NCAPG2: variants seen among roughly 807,000 people sequenced by gnomAD.
NCAPG2 encodes the protein condensin-2 complex subunit G2.
NCAPG2 carries 53 observed loss-of-function variants against 141.1 expected under a neutral mutation model. That is an observed-to-expected ratio of 0.38 (90% confidence interval 0.30 to 0.47). The LOEUF is 0.47. Among genes scored for constraint, NCAPG2 ranks in the 20% least tolerant of loss-of-function variants. The probability of loss-of-function intolerance (pLI) is 0.99; values close to 1 mark genes in which losing one functional copy is unlikely to be tolerated. For missense variants in NCAPG2, 1,087 were observed against 1,389.0 expected (o/e 0.78, Z 3.46); for synonymous variants, 499 against 490.7 (o/e 1.02, Z -0.22).
intron 27 of NCAPG2, among the ~76,000 whole-genome samples, chr7:158,632,189 C>T (rs1051925591): frequency 3.3e-5 from 5 of 152,178 alleles, no homozygotes; most frequent in African/African-American, 1.2e-4. Context: ...ACTCCCCTGC[C>T]CTACATCCCT....
chr7:158,654,842 T>C, intron 21 of NCAPG2, 148 bp from the exon 22 acceptor site: 1 of 1,369,448 alleles, frequency 7.3e-7, no homozygotes, highest in Non-Finnish European at 9.5e-7. Flanking sequence ...TTCATAAAGA[T>C]ACATTAATTC....
chr7:158,701,775 C>T, intron 2 of NCAPG2, 47 bp downstream of exon 2: 1 of 1,489,800 alleles, frequency 6.7e-7, no homozygotes, highest in Non-Finnish European at 9.4e-7. Context: ...GAACATATTT[C>T]ATATTCACAG....
rs62478347 is a variant in NCAPG2 at position 158,682,394 on chromosome 7, T to C, written c.924+906A>G. 3.3e-3 allele frequency among the ~76,000 whole-genome samples: 502 copies of C among 152,288 alleles called. 1 individual carries two copies. Among genetic ancestry groups the C allele is most frequent in the Middle Eastern group, 6.8e-3 (2 of 294 alleles). On this transcript the variant is annotated intron_variant, in intron 9 of 27. Transcript: ENST00000356309. ...TCATTGAATATATTTATCCTAAATA[T>C]ATGCAATCACGATTTTTAAATCCTC...
rs916920045 is a variant in NCAPG2 at position 158,651,984 on chromosome 7, C to T, written c.2934+309G>A. 5.3e-5 allele frequency among the ~76,000 whole-genome samples: 8 copies of T among 152,314 alleles called. No homozygotes were observed. The South Asian group carries it at 8.3e-4, about 16-fold the overall frequency. ...ATCAGTCCTCTGCTTCCTGTCCTGCCGTCTGGTCAACCTGAACTCTTGGGA... is the reference window on the plus strand; with the variant it reads ...ATCAGTCCTCTGCTTCCTGTCCTGCTGTCTGGTCAACCTGAACTCTTGGGA... On this transcript the variant is annotated intron_variant, in intron 23 of 27. Transcript: ENST00000356309.
chr7:158,690,513 C>G (rs1835048781), intron 5 of NCAPG2, 55 bp downstream of exon 5: 2 of 1,544,694 alleles, frequency 1.3e-6, no homozygotes, highest in Non-Finnish European at 1.8e-6. Context: ...CCACTGCACT[C>G]CATCTGGGCA....
intron 27 of NCAPG2, 45 bp from the exon 28 acceptor site, chr7:158,631,762 C>G: frequency 7.2e-7 from 1 of 1,396,888 alleles, no homozygotes. Context: ...AAAAAGTGAC[C>G]AAATTATCCA....
chr7:158,692,818 C>T lies in NCAPG2; in HGVS notation c.382+24G>A, dbSNP rs773373607. 7.8e-6 allele frequency: 10 copies of T among 1,288,140 alleles called. No individual in the cohort carries two copies. In the South Asian group the frequency reaches 1.0e-4, roughly 13 times the overall value. The allele number at this position is 1,288,140 out of a possible 1,614,324, so 79.8% of individuals were successfully genotyped here. ...ATTTCAACACCCACTTCTAAATATG[C>T]CATTTATAACAAAATCAACTCACCA... is the stretch of plus-strand genomic sequence containing the variant. On this transcript the variant is annotated intron_variant, in intron 4 of 27. Transcript: ENST00000356309.
chr7:158,647,697 C>CT lies in NCAPG2; in HGVS notation c.3076-1135dup, dbSNP rs200623735. Among the ~76,000 whole-genome samples the CT allele has an allele frequency of 5.8e-3, 842 of 145,270 alleles. 44 individuals carry two copies. In the East Asian group the frequency reaches 0.12, roughly 21 times the overall value. The stretch of plus-strand genomic sequence containing the variant: ...ATTTAGGCATGACTAAACAACACTG[C>CT]TTTTTTTTTTTTAAGAGACATAGTC... On this transcript the variant is annotated intron_variant, in intron 24 of 27. Coordinates refer to ENST00000356309, the MANE Select transcript of NCAPG2 (RefSeq NM_017760.7).
intron 27 of NCAPG2, among the ~76,000 whole-genome samples, chr7:158,637,057 C>T (rs1426477348): frequency 3.9e-5 from 6 of 151,926 alleles, no homozygotes; most frequent in Non-Finnish European, 7.4e-5. Flanking sequence ...ATGCCATTCT[C>T]CTGCCTCAGC....
At chr7:158,696,779 G>T (rs116625397) in intron 2 of NCAPG2, 1 of 152,198 alleles carries the variant, frequency 6.6e-6, no homozygotes, top group East Asian at 1.9e-4. Context: ...CCTGCCTCAG[G>T]GGCTCGGCCT....
At chr7:158,660,439 AG>A (rs1832407574) in intron 16 of NCAPG2, among the ~76,000 whole-genome samples, 2 of 112,694 alleles carry the variant, frequency 1.8e-5, no homozygotes, top group African/African-American at 7.4e-5. Flanking sequence ...TAAAAGAGGC[AG>A]GGTCTCACTC....
rs1832564064 is a variant in NCAPG2, at chr7:158,662,201, A to G, written c.1982T>C (p.Val661Ala). ...GTATAGTTCAAGACTTACCTTAAAT[A>G]CTTTCAGATACTCTGGAAGCACAGA... ...FASVLPEYLK[V>A]FKDDRCKIPL... is the part of the protein sequence containing the mutation. Residue 661 changes from valine to alanine, a missense_variant, in exon 16 of 28, where the codon GTA (valine) becomes GCA (alanine). Coordinates refer to ENST00000356309, the MANE Select transcript of NCAPG2 (RefSeq NM_017760.7). 5.6e-6 allele frequency: 9 copies of G among 1,603,970 alleles called. No individual in the cohort carries two copies. Among genetic ancestry groups the G allele is most frequent in the Non-Finnish European group, 7.6e-6 (9 of 1,177,120 alleles).
chr7:158,662,352 G>A lies in NCAPG2; in HGVS notation c.1831C>T (p.Leu611=). 6.3e-7 allele frequency: 1 copy of A among 1,584,342 alleles called. No individual in the cohort carries two copies. Among genetic ancestry groups the A allele is most frequent in the Middle Eastern group, 1.7e-4 (1 of 6,008 alleles). The change falls in exon 16 of 28, where the codon CTG becomes TTG. Residue 611 remains leucine (L), a synonymous_variant. Coordinates refer to ENST00000356309, the MANE Select transcript of NCAPG2 (RefSeq NM_017760.7). ...ATGCATGCAACATCGTTTACTGACAGTGTTTTGTCCAGAACCTAAGATAAA... is the reference window on the plus strand; with the variant it reads ...ATGCATGCAACATCGTTTACTGACAATGTTTTGTCCAGAACCTAAGATAAA... The part of the protein sequence containing the change: ...KENVTVLDKT[L]SVNDVACMAG...
intron 27 of NCAPG2, among the ~76,000 whole-genome samples, chr7:158,637,794 G>A (rs575443433): frequency 6.6e-6 from 1 of 152,264 alleles, no homozygotes; most frequent in Admixed American, 6.5e-5. Flanking sequence ...GTATTCTCTA[G>A]AGTTCTCTTT....
chr7:158,687,376 T>C lies in NCAPG2; in HGVS notation c.739A>G (p.Ile247Val), dbSNP rs192183487. ...INFIKMIHGT[I>V]KNQLQGLQKS... ...TGTAATCCCTGTAACTGGTTTTTAA[T>C]GGTCCCGTGGATCATTTTGATGAAG... Residue 247 changes from isoleucine (I) to valine (V), a missense_variant, in exon 7 of 28, where the codon ATT becomes GTT. Transcript: ENST00000356309. 6 of 1,611,014 alleles carry C rather than the reference T, an allele frequency of 3.7e-6. No homozygotes were observed. Among genetic ancestry groups the C allele is most frequent in the African/African-American group, 1.3e-5 (1 of 74,924 alleles).
intron 9 of NCAPG2, among the ~76,000 whole-genome samples, 183 bp downstream of exon 9, chr7:158,683,117 T>A: frequency 6.6e-6 from 1 of 152,194 alleles, no homozygotes; most frequent in Non-Finnish European, 1.5e-5. Context: ...ACAATACACC[T>A]TTGCTTTCCT....
At chr7:158,701,164 C>T (rs1236839457) in intron 2 of NCAPG2, among the ~76,000 whole-genome samples, 1 of 152,176 alleles carries the variant, frequency 6.6e-6, no homozygotes, top group African/African-American at 2.4e-5. Flanking sequence ...CCACCATATC[C>T]ATATCCAATC....
In NCAPG2 at chr7:158,662,332, T is replaced by C. The variant is rs1219364445; in HGVS notation, c.1851A>G (p.Ala617=). The C allele has an allele frequency of 1.9e-6, 3 of 1,599,136 alleles. No individual in the cohort carries two copies. The East Asian group carries it at 6.8e-5, about 36-fold the overall frequency. Residue 617 remains alanine, a synonymous_variant, in exon 16 of 28, where the codon GCA becomes GCG. Transcript: ENST00000356309. ...LDKTLSVNDV[A]CMAGLLEIIV... ...TGATTTCTAGTAAACCTGCCATGCA[T>C]GCAACATCGTTTACTGACAGTGTTT...
intron 12 of NCAPG2, among the ~76,000 whole-genome samples, chr7:158,672,796 G>C (rs1484358921): frequency 6.6e-6 from 1 of 152,068 alleles, no homozygotes; most frequent in Non-Finnish European, 1.5e-5. Flanking sequence ...CCGGCCACCG[G>C]CCACCACCTA....
Sources: allele counts gnomAD v4.1 joint callset (sites outside exome capture counted in the v4.1 genomes callset), GRCh38; gene constraint gnomAD v4.1.1; transcripts MANE v1.5; gene names NCBI Gene and HGNC (gene_info 2026-07-23, HGNC 2026-07-21).